ASCC3: variants seen among roughly 807,000 people sequenced by gnomAD.
The protein encoded by ASCC3 is activating signal cointegrator 1 complex subunit 3.
In ASCC3, 158 loss-of-function variants were observed where a neutral mutation model predicts 256.3. That is an observed-to-expected ratio of 0.62 (90% CI 0.54 to 0.70). The LOEUF (loss-of-function observed/expected upper bound fraction) is 0.70, where lower values mean the gene tolerates loss of function less well. Among genes scored for constraint, ASCC3 ranks in the 30% least tolerant of loss-of-function variants. The pLI is 0.00. For synonymous variants in ASCC3, 948 were observed against 883.4 expected (o/e 1.07, Z -1.30); for missense variants, 2,259 against 2,626.0 (o/e 0.86, Z 3.05).
chr6:100,581,662 G>C (rs1183906793), intron 36 of ASCC3, among the ~76,000 whole-genome samples: 28 of 152,110 alleles, frequency 1.8e-4, no homozygotes, highest in East Asian at 1.2e-3. Context: ...CTTGCCCATG[G>C]CTATGTCCTG....
intron 36 of ASCC3, among the ~76,000 whole-genome samples, chr6:100,573,452 T>C (rs1181817934): frequency 6.6e-6 from 1 of 152,126 alleles, no homozygotes; most frequent in East Asian, 1.9e-4. Flanking sequence ...ATTAGAAACA[T>C]TTAAGCAGAA....
intron 27 of ASCC3, among the ~76,000 whole-genome samples, chr6:100,628,495 T>C (rs1415102927): frequency 6.6e-6 from 1 of 152,160 alleles, no homozygotes; most frequent in Non-Finnish European, 1.5e-5. Context: ...CTAAATGGCT[T>C]AGCACCATCC....
intron 5 of ASCC3, among the ~76,000 whole-genome samples, chr6:100,802,245 T>C (rs1769953285): frequency 6.6e-6 from 1 of 152,038 alleles, no homozygotes; most frequent in Admixed American, 6.6e-5. Flanking sequence ...ATGAAATGAA[T>C]ATCCTTAACA....
At chr6:100,675,024 T>C (rs1180367923) in intron 14 of ASCC3, among the ~76,000 whole-genome samples, 4 of 152,128 alleles carry the variant, frequency 2.6e-5, no homozygotes, top group Non-Finnish European at 5.9e-5. Context: ...TGAATCAACA[T>C]TAAAACACAG....
intron 10 of ASCC3, among the ~76,000 whole-genome samples, chr6:100,765,644 A>G (rs1271822693): frequency 3.3e-5 from 5 of 152,214 alleles, no homozygotes; most frequent in South Asian, 2.1e-4. Flanking sequence ...TATAAAGCCA[A>G]GCTGTACCCC....
At chr6:100,794,280 T>C (rs999343277) in intron 8 of ASCC3, among the ~76,000 whole-genome samples, 20 of 152,112 alleles carry the variant, frequency 1.3e-4, no homozygotes, top group Non-Finnish European at 2.4e-4. Flanking sequence ...AAGCCCTTCA[T>C]GTGCAGGCAA....
chr6:100,778,057 G>A (rs912420081), intron 8 of ASCC3, among the ~76,000 whole-genome samples: 5 of 151,132 alleles, frequency 3.3e-5, no homozygotes, highest in Admixed American at 6.6e-5. Flanking sequence ...CTATCTCTTC[G>A]AGGTACAGCC....
chr6:100,737,989 G>A (rs930436925), intron 10 of ASCC3, among the ~76,000 whole-genome samples: 3 of 152,122 alleles, frequency 2.0e-5, no homozygotes, highest in Non-Finnish European at 2.9e-5. Context: ...ATGTTGAGCT[G>A]TCTTTCATGT....
At chr6:100,697,535 G>A (rs1024212900) in intron 13 of ASCC3, among the ~76,000 whole-genome samples, 10 of 135,170 alleles carry the variant, frequency 7.4e-5, no homozygotes, top group Non-Finnish European at 1.4e-4. Flanking sequence ...ATTCAACAAT[G>A]TAACTGTATT....
intron 30 of ASCC3, among the ~76,000 whole-genome samples, chr6:100,611,266 G>C (rs1773380801): frequency 6.6e-6 from 1 of 151,974 alleles, no homozygotes; most frequent in Non-Finnish European, 1.5e-5. Flanking sequence ...TTTATTACAT[G>C]GTTTCTCTGG....
intron 4 of ASCC3, among the ~76,000 whole-genome samples, chr6:100,813,562 C>A (rs1770590106): frequency 6.6e-6 from 1 of 151,914 alleles, no homozygotes; most frequent in Non-Finnish European, 1.5e-5. Context: ...AGGCTGAAAG[C>A]AAGTAACTTC....
chr6:100,588,731 G>C (rs1213859473), intron 36 of ASCC3, among the ~76,000 whole-genome samples: 1 of 152,010 alleles, frequency 6.6e-6, no homozygotes, highest in African/African-American at 2.4e-5. Flanking sequence ...GTTTCTTGTA[G>C]GGGAAAAAAC....
At chr6:100,795,443 C>T (rs1051765121) in intron 8 of ASCC3, among the ~76,000 whole-genome samples, 5 of 151,956 alleles carry the variant, frequency 3.3e-5, no homozygotes, top group African/African-American at 4.8e-5. Context: ...CTGATGATAA[C>T]ATTTGAGCCT....
At chr6:100,742,718 G>A (rs751095755) in intron 10 of ASCC3, among the ~76,000 whole-genome samples, 2 of 152,214 alleles carry the variant, frequency 1.3e-5, no homozygotes, top group Non-Finnish European at 2.9e-5. Context: ...ACTCTCCAAA[G>A]CTGGCAGGCT....
intron 36 of ASCC3, among the ~76,000 whole-genome samples, chr6:100,568,752 AATTATTATTATTATT>A (rs111974347): frequency 3.1e-4 from 43 of 139,626 alleles, no homozygotes; most frequent in South Asian, 1.2e-3. Flanking sequence ...CTTAGTCATA[AATTATTATTATTATT>A]ATTATTATTA....
chr6:100,629,884 C>A (rs1774447510), intron 26 of ASCC3, among the ~76,000 whole-genome samples: 1 of 151,858 alleles, frequency 6.6e-6, no homozygotes, highest in African/African-American at 2.4e-5. Context: ...TAAGTAATTA[C>A]TAAAATAATT....
In ASCC3 at chr6:100,718,085, C is replaced by T. The variant is rs935656060; in HGVS notation, c.2069G>A (p.Cys690Tyr). The stretch of plus-strand genomic sequence containing the variant: ...AAAATGAGTATTTACCTTATTTGCA[C>T]ATTTAATCCCCAAAAATGTCTGTCC... The part of the protein sequence containing the change: ...PLGQTFLGIK[C>Y]ANKMQQLNNM... The change falls in exon 12 of 42, where the codon TGT becomes TAT. Residue 690 changes from cysteine (C) to tyrosine (Y), a missense_variant. By Grantham distance (194) the Cys-to-Tyr change is radical. Around this residue, in one of 2 missense-constraint regions of ASCC3, gnomAD observed 1,839 missense variants for 2,206.7 expected, o/e 0.83. Transcript: ENST00000369162. 3.7e-6 allele frequency: 6 copies of T among 1,613,046 alleles called. No individual in the cohort carries two copies. The highest frequency in any genetic ancestry group is 3.3e-5 in the South Asian group (3 of 91,066).
chr6:100,570,114 T>G (rs1279289912), intron 36 of ASCC3, among the ~76,000 whole-genome samples: 1 of 152,164 alleles, frequency 6.6e-6, no homozygotes, highest in African/African-American at 2.4e-5. Context: ...ATGTTACTGA[T>G]TTTTGTACAC....
intron 10 of ASCC3, among the ~76,000 whole-genome samples, chr6:100,748,871 G>T (rs1203667167): frequency 3.3e-5 from 5 of 151,946 alleles, no homozygotes; most frequent in African/African-American, 4.8e-5. Flanking sequence ...CAATGAGTAA[G>T]TCTAGAGGAG....
Sources: allele counts gnomAD v4.1 joint callset (sites outside exome capture counted in the v4.1 genomes callset), GRCh38; gene constraint gnomAD v4.1.1; regional missense constraint gnomAD v4.1.1; transcripts MANE v1.5; gene names NCBI Gene and HGNC (gene_info 2026-07-23, HGNC 2026-07-21).